GID4: variants seen among roughly 807,000 people sequenced by gnomAD.
GID4 encodes the protein glucose-induced degradation protein 4 homolog.
A neutral mutation model predicts 32.4 loss-of-function variants in GID4; 7 were observed. That is an observed-to-expected ratio of 0.22 (90% CI 0.12 to 0.41). The LOEUF is 0.41. GID4 is among the 10% of genes least tolerant of loss of function. The probability of loss-of-function intolerance (pLI) is 1.00; values close to 1 mark genes in which losing one functional copy is unlikely to be tolerated. For missense variants in GID4, 309 were observed against 400.0 expected (o/e 0.77, Z 1.94); for synonymous variants, 166 against 170.0 (o/e 0.98, Z 0.18).
At chr17:18,040,714 T>C (rs945097756) in intron 1 of GID4, among the ~76,000 whole-genome samples, 1 of 152,158 alleles carries the variant, frequency 6.6e-6, no homozygotes, top group African/African-American at 2.4e-5. Context: ...CCCCACCCCA[T>C]ACCTTCGTCT....
chr17:18,047,737 G>T (rs2044868487), intron 2 of GID4, among the ~76,000 whole-genome samples: 1 of 152,206 alleles, frequency 6.6e-6, no homozygotes, highest in Non-Finnish European at 1.5e-5. Flanking sequence ...CAGGGGTGTT[G>T]CGTTAAAGCA....
rs1029800902 is a variant in GID4 at position 18,065,645 on chromosome 17, C to A, written c.*402C>A. Reference sequence around the variant, plus strand: ...GGTCCCGAGGCCCTAGACCCCCACCCCCCGCCAGTTGCTTTGTCTGGTAGC... The same window carrying A: ...GGTCCCGAGGCCCTAGACCCCCACCACCCGCCAGTTGCTTTGTCTGGTAGC... On this transcript the variant is annotated 3_prime_UTR_variant, in exon 6 of 6. Coordinates refer to ENST00000268719, the MANE Select transcript of GID4 (RefSeq NM_024052.5). 3 of 232,036 alleles carry A rather than the reference C, an allele frequency of 1.3e-5. No individual in the cohort carries two copies. The highest frequency in any genetic ancestry group is 4.6e-5 in the African/African-American group (2 of 43,126). 14.4% of individuals were successfully genotyped at this position (232,036 alleles called of 1,614,324 possible).
In GID4 at chr17:18,065,885, G is replaced by A. The variant is rs2045057776; in HGVS notation, c.*642G>A. The A allele has an allele frequency of 1.3e-5, 2 of 152,526 alleles. No homozygotes were observed. The highest frequency in any genetic ancestry group is 2.9e-5 in the Non-Finnish European group (2 of 68,186). The allele number at this position is 152,526 out of a possible 1,614,324, so 9.4% of individuals were successfully genotyped here. On this transcript the variant is annotated 3_prime_UTR_variant, in exon 6 of 6. Transcript: ENST00000268719. ...GTGCAAAGCTAGTGAGTAGCTGTCA[G>A]GTTCCCTGGGCCTGCCATCAGGGAT...
chr17:18,065,205 G>A lies in GID4; in HGVS notation c.865G>A (p.Val289Ile), dbSNP rs1365431309. The stretch of plus-strand genomic sequence containing the variant: ...GTATCAGTCCCTCAATCTAACCCAT[G>A]TTCCTGAACACAGTGCACCCATCTA... ...EWYQSLNLTHVPEHSAPIYEF... is the reference protein window; with the variant it reads ...EWYQSLNLTHIPEHSAPIYEF... Residue 289 changes from valine to isoleucine, a missense_variant, in exon 6 of 6, where the codon GTT (valine) becomes ATT (isoleucine). This residue lies in a region of GID4 where 116 missense variants were observed against 214.2 expected (regional missense o/e 0.54). Coordinates refer to ENST00000268719, the MANE Select transcript of GID4 (RefSeq NM_024052.5). 1.9e-6 allele frequency: 3 copies of A among 1,613,898 alleles called. No individual in the cohort carries two copies. Among genetic ancestry groups the A allele is most frequent in the South Asian group, 2.2e-5 (2 of 91,072 alleles).
At chr17:18,046,618 C>T (rs1314621309) in intron 2 of GID4, among the ~76,000 whole-genome samples, 1 of 147,006 alleles carries the variant, frequency 6.8e-6, no homozygotes, top group South Asian at 2.2e-4. Context: ...GATCCTCTCT[C>T]TTTAAAAAAA....
intron 1 of GID4, among the ~76,000 whole-genome samples, chr17:18,040,949 C>T (rs551703385): frequency 3.9e-5 from 6 of 152,310 alleles, no homozygotes; most frequent in Admixed American, 1.3e-4. Flanking sequence ...GGGCCTTTCC[C>T]ACACCTCACT....
chr17:18,046,846 C>T (rs1445597558), intron 2 of GID4, among the ~76,000 whole-genome samples: 7 of 149,298 alleles, frequency 4.7e-5, no homozygotes, highest in African/African-American at 1.5e-4. Flanking sequence ...CGCTTGAACC[C>T]GGGAGGCGGA....
intron 2 of GID4, among the ~76,000 whole-genome samples, chr17:18,049,112 G>A (rs1008617163): frequency 1.3e-5 from 2 of 151,478 alleles, no homozygotes; most frequent in Non-Finnish European, 2.9e-5. Context: ...GAGGCAGCTG[G>A]ATCGCCTGAG....
At chr17:18,064,019 A>G (rs2045039349) in intron 5 of GID4, among the ~76,000 whole-genome samples, 1 of 152,230 alleles carries the variant, frequency 6.6e-6, no homozygotes, top group Non-Finnish European at 1.5e-5. Flanking sequence ...CTGGGATTAT[A>G]GGTGTGAGCC....
At chr17:18,040,976 CTT>C (rs2044795163) in intron 1 of GID4, among the ~76,000 whole-genome samples, 1 of 152,278 alleles carries the variant, frequency 6.6e-6, no homozygotes, top group African/African-American at 2.4e-5. Flanking sequence ...AGGCTTGACA[CTT>C]TTTGCCAGCT....
chr17:18,048,111 C>T lies in GID4; in HGVS notation c.498+2905C>T, dbSNP rs903711114. On this transcript the variant is annotated intron_variant, in intron 2 of 5. Transcript: ENST00000268719. ...AGAGATGGGGTTTCACCGTGTTAGC[C>T]AGGATGGTCTCGATCTCCTGACCTC... Among the ~76,000 whole-genome samples the T allele has an allele frequency of 4.6e-5, 7 of 152,062 alleles. 1 individual carries two copies.
intron 1 of GID4, among the ~76,000 whole-genome samples, chr17:18,042,354 TTTG>T (rs2044811234): frequency 6.6e-6 from 1 of 152,332 alleles, no homozygotes; most frequent in East Asian, 1.9e-4. Flanking sequence ...CTCATCTATT[TTTG>T]TTGTTGTTTG....
chr17:18,054,802 C>A (rs1247790947), intron 3 of GID4, among the ~76,000 whole-genome samples: 1 of 152,102 alleles, frequency 6.6e-6, no homozygotes, highest in Non-Finnish European at 1.5e-5. Context: ...TCTCACTCAG[C>A]AGTAGTGAAT....
chr17:18,039,656 C>CGCG lies in GID4; in HGVS notation c.203_205dup (p.Ala68dup), dbSNP rs762399154. The stretch of plus-strand genomic sequence containing the variant: ...TCCCCGCCACCCTCCTCGGCTCCCG[C>CGCG]GCGGCGGCGGCGGTTCCTCTCCCAC... On this transcript the variant is annotated inframe_insertion, in exon 1 of 6. Coordinates refer to ENST00000268719, the MANE Select transcript of GID4 (RefSeq NM_024052.5). The surrounding 1 kb of genome is among the most constrained non-coding windows in gnomAD (Gnocchi z 5.3). 3.0e-4 allele frequency: 401 copies of CGCG among 1,358,368 alleles called. No individual in the cohort carries two copies. Among genetic ancestry groups the CGCG allele is most frequent in the Middle Eastern group, 2.7e-3 (10 of 3,656 alleles). 84.1% of individuals were successfully genotyped at this position (1,358,368 alleles called of 1,614,324 possible).
intron 5 of GID4, among the ~76,000 whole-genome samples, chr17:18,062,730 C>T (rs1007155375): frequency 7.2e-5 from 11 of 152,120 alleles, no homozygotes; most frequent in Non-Finnish European, 1.5e-4. Context: ...GATTTTTAGG[C>T]TTTCAGTAAT....
At position 18,039,672 on chromosome 17, in the gene GID4, C is replaced by T. The variant is rs2044766080; in HGVS notation, c.208C>T (p.Pro70Ser). ...LLGSRAAAAV[P>S]LPLPPALAPG... ...CGGCTCCCGCGCGGCGGCGGCGGTT[C>T]CTCTCCCACTCCCCCCAGCCCTGGC... Residue 70 changes from proline (P) to serine (S), a missense_variant, in exon 1 of 6, where the codon CCT becomes TCT. By Grantham distance (74) the Pro-to-Ser change is moderately conservative (BLOSUM62 -1). Coordinates refer to ENST00000268719, the MANE Select transcript of GID4 (RefSeq NM_024052.5). This position sits in a 1 kb window ranked among gnomAD's most constrained non-coding sequence, Gnocchi z 5.3. 2.4e-6 allele frequency: 3 copies of T among 1,276,082 alleles called. No homozygotes were observed. The highest frequency in any genetic ancestry group is 8.8e-5 in the East Asian group (2 of 22,772). The allele number at this position is 1,276,082 out of a possible 1,614,324, so 79.0% of individuals were successfully genotyped here.
intron 2 of GID4, among the ~76,000 whole-genome samples, chr17:18,045,583 C>G (rs2044844592): frequency 6.6e-6 from 1 of 151,956 alleles, no homozygotes; most frequent in African/African-American, 2.4e-5. Context: ...CTTTAAGCCT[C>G]TTAGTTAATT....
intron 2 of GID4, among the ~76,000 whole-genome samples, chr17:18,046,922 C>CAAAAAAAAAAAAAAAAAAAAAAAA (rs71155311): frequency 8.6e-6 from 1 of 115,768 alleles, no homozygotes; most frequent in Non-Finnish European, 1.7e-5. Flanking sequence ...AACTTTGTCT[C>CAAAAAAAAAAAAAAAAAAAAAAAA]AAAAAAAAAA....
At chr17:18,064,957 T>G (rs2045047420) in intron 5 of GID4, among the ~76,000 whole-genome samples, 1 of 151,498 alleles carries the variant, frequency 6.6e-6, no homozygotes, top group East Asian at 1.9e-4. Flanking sequence ...TAGAGCAGAA[T>G]GAAAAAAAAC....
Sources: gnomAD v4.1 joint callset for allele counts (sites outside exome capture counted in the v4.1 genomes callset) on GRCh38, gnomAD v4.1.1 for gene constraint, gnomAD v4.1.1 regional missense constraint, Gnocchi (gnomAD v3.1) non-coding constraint, MANE v1.5 for transcripts, NCBI Gene and HGNC (gene_info 2026-07-23, HGNC 2026-07-21) for gene names.